Variants in SPAG16 observed in about 807,000 individuals in gnomAD.
SPAG16 encodes sperm-associated antigen 16 protein.
Under a neutral mutation model 80.4 loss-of-function variants are expected in SPAG16, and 86 were observed. The ratio of observed to expected loss-of-function variants is 1.07; its 90% CI spans 0.90 to 1.28. The LOEUF (loss-of-function observed/expected upper bound fraction) is 1.28. Among genes scored for constraint, SPAG16 ranks in the 50% most tolerant of loss-of-function variants. The pLI, the probability that SPAG16 is intolerant of heterozygous loss-of-function variation, is 0.00. For synonymous variants in SPAG16, 294 were observed against 265.9 expected, an observed-to-expected ratio of 1.11 and a Z score of -1.03; for missense variants, 870 against 765.3, an observed-to-expected ratio of 1.14 and a Z score of -1.61.
At chr2:213,759,791 C>T (rs2068550667) in intron 10 of SPAG16, among the ~76,000 whole-genome samples, 1 of 152,160 alleles carries the variant, frequency 6.6e-6, no homozygotes, top group African/African-American at 2.4e-5. Flanking sequence ...AATCCCTGCG[C>T]TTTGGGAGGC....
chr2:213,590,446 GA>G (rs112750165), intron 10 of SPAG16, among the ~76,000 whole-genome samples: 2,280 of 123,742 alleles, frequency 0.018, 20 homozygotes, highest in South Asian at 0.044. Context: ...AAAACAACAA[GA>G]AAAAAAAAAA....
intron 15 of SPAG16, among the ~76,000 whole-genome samples, chr2:214,234,436 T>C (rs1401602346): frequency 6.6e-6 from 1 of 152,212 alleles, no homozygotes; most frequent in African/African-American, 2.4e-5. Flanking sequence ...ATGCTATTTC[T>C]GGTTCTAGGT....
At chr2:214,257,113 T>C (rs1017641884) in intron 15 of SPAG16, among the ~76,000 whole-genome samples, 4 of 151,958 alleles carry the variant, frequency 2.6e-5, no homozygotes, top group African/African-American at 9.7e-5. Flanking sequence ...AAAGCTCCAA[T>C]ATTGTTTTAA....
rs189491912 is a variant in SPAG16, at chr2:213,807,439, T to G, written c.1071-55046T>G. Reference sequence around the variant, plus strand: ...TTCCCAAGTGCCTATCCCAGCCCACTTCTCTCTACTGACCTCTAGACTTGT... The same window carrying G: ...TTCCCAAGTGCCTATCCCAGCCCACGTCTCTCTACTGACCTCTAGACTTGT... On this transcript the variant is annotated intron_variant, in intron 10 of 15. Transcript: ENST00000331683. Among the ~76,000 whole-genome samples the G allele has an allele frequency of 1.5e-3, 228 of 152,248 alleles. 1 individual carries two copies. Among genetic ancestry groups the G allele is most frequent in the African/African-American group, 5.3e-3 (221 of 41,564 alleles).
intron 10 of SPAG16, among the ~76,000 whole-genome samples, chr2:213,806,565 C>T (rs973685589): frequency 6.6e-6 from 1 of 152,044 alleles, no homozygotes; most frequent in Non-Finnish European, 1.5e-5. Context: ...GGAATTCCCA[C>T]TGATATGTTT....
intron 1 of SPAG16, 41 bp from the exon 2 acceptor site, chr2:213,296,022 TA>T: frequency 1.3e-6 from 2 of 1,562,698 alleles, no homozygotes; most frequent in Non-Finnish European, 1.8e-6. Flanking sequence ...GCAATAATTT[TA>T]TTCTATATTT....
At chr2:213,918,017 T>C (rs1363356543) in intron 11 of SPAG16, among the ~76,000 whole-genome samples, 1 of 152,188 alleles carries the variant, frequency 6.6e-6, no homozygotes, top group East Asian at 1.9e-4. Context: ...TCTGCATCTA[T>C]TGAGATAATC....
At chr2:214,398,325 C>T (rs922389347) in intron 15 of SPAG16, among the ~76,000 whole-genome samples, 1 of 152,150 alleles carries the variant, frequency 6.6e-6, no homozygotes, top group Non-Finnish European at 1.5e-5. Context: ...GTTGACTTTC[C>T]TTCACTTGCA....
At chr2:213,811,637 G>C (rs1456596493) in intron 10 of SPAG16, among the ~76,000 whole-genome samples, 1 of 152,184 alleles carries the variant, frequency 6.6e-6, no homozygotes, top group East Asian at 1.9e-4. Context: ...AGACTAGCCA[G>C]AAAGAGAATA....
intron 13 of SPAG16, among the ~76,000 whole-genome samples, chr2:214,037,523 G>A (rs1254157971): frequency 6.6e-6 from 1 of 152,072 alleles, no homozygotes; most frequent in East Asian, 1.9e-4. Flanking sequence ...AGTTCTGTGT[G>A]TATAATATCT....
At chr2:213,449,501 A>G (rs2071557369) in intron 9 of SPAG16, among the ~76,000 whole-genome samples, 2 of 152,196 alleles carry the variant, frequency 1.3e-5, no homozygotes, top group Admixed American at 1.3e-4. Flanking sequence ...GGCAGGCATC[A>G]TGGTCCTACC....
chr2:213,832,080 TC>T (rs1288926773), intron 10 of SPAG16, among the ~76,000 whole-genome samples: 2 of 152,030 alleles, frequency 1.3e-5, no homozygotes, highest in Non-Finnish European at 2.9e-5. Flanking sequence ...CACTGCAACC[TC>T]CTTCCCCCCG....
intron 15 of SPAG16, among the ~76,000 whole-genome samples, chr2:214,201,885 G>A (rs2058019247): frequency 1.3e-5 from 2 of 150,860 alleles, no homozygotes; most frequent in African/African-American, 4.9e-5. Context: ...TTGCTCTGTT[G>A]CTCAGGCCAA....
At chr2:213,700,701 A>G (rs2065369142) in intron 10 of SPAG16, among the ~76,000 whole-genome samples, 1 of 152,242 alleles carries the variant, frequency 6.6e-6, no homozygotes, top group East Asian at 1.9e-4. Context: ...ATAATGCTAA[A>G]TGAAAATGAG....
At chr2:213,375,317 G>A (rs976950647) in intron 9 of SPAG16, 198 bp downstream of exon 9, 2 of 418,986 alleles carry the variant, frequency 4.8e-6, no homozygotes, top group African/African-American at 4.1e-5. Context: ...AGGCTTATTA[G>A]TAGCAGAGAC....
intron 10 of SPAG16, among the ~76,000 whole-genome samples, chr2:213,619,749 A>G (rs2061708684): frequency 2.6e-5 from 4 of 152,204 alleles, no homozygotes; most frequent in Admixed American, 2.0e-4. Flanking sequence ...GGAAGTCAGT[A>G]TGGAACTTCC....
In SPAG16 at chr2:214,033,296, T is replaced by C. The variant is rs117924462; in HGVS notation, c.1527+19219T>C. 2.8e-4 allele frequency among the ~76,000 whole-genome samples: 42 copies of C among 152,276 alleles called. No homozygotes were observed. In the East Asian group the frequency reaches 5.6e-3, roughly 20 times the overall value. On this transcript the variant is annotated intron_variant, in intron 13 of 15. Transcript: ENST00000331683. ...AAAATGTAATTCTTTGCTTGAGATA[T>C]TTATAGTTTTGTGGTTGAAAAACAT...
chr2:213,381,113 G>C lies in SPAG16; in HGVS notation c.942+5994G>C, dbSNP rs113324765. Among the ~76,000 whole-genome samples the C allele has an allele frequency of 9.5e-3, 1,261 of 132,088 alleles. 10 individuals are homozygous for C. The highest frequency in any genetic ancestry group is 0.03 in the Middle Eastern group (7 of 234). 86.7% of individuals were successfully genotyped at this position (132,088 alleles called of 152,430 possible). A position where few individuals can be genotyped will look rare whatever the true frequency, so the allele number is the denominator to read the frequency against. On this transcript the variant is annotated intron_variant, in intron 9 of 15. Transcript: ENST00000331683. ...TAAAATAGACTTATACCACAACACT[G>C]TTGATCAGAAGGCTATGATAAGCCC...
intron 10 of SPAG16, among the ~76,000 whole-genome samples, chr2:213,620,723 A>G (rs1197572623): frequency 6.6e-6 from 1 of 152,210 alleles, no homozygotes; most frequent in East Asian, 1.9e-4. Flanking sequence ...ATATATACTG[A>G]AATATCACTC....
Sources: allele counts gnomAD v4.1 joint callset (sites outside exome capture counted in the v4.1 genomes callset), GRCh38; gene constraint gnomAD v4.1.1; transcripts MANE v1.5; gene names NCBI Gene and HGNC (gene_info 2026-07-23, HGNC 2026-07-21).